KIF5B: variants seen among roughly 807,000 people sequenced by gnomAD.
The protein encoded by KIF5B is kinesin family member 5B.
A neutral mutation model predicts 132.8 loss-of-function variants in KIF5B; 49 were observed. The ratio of observed to expected loss-of-function variants is 0.37; its 90% CI spans 0.29 to 0.47. The LOEUF is 0.47. Among genes scored for constraint, KIF5B ranks in the 20% least tolerant of loss-of-function variants. The pLI is 1.00. For missense variants in KIF5B, 780 were observed against 1,144.0 expected (o/e 0.68, Z 4.59); for synonymous variants, 355 against 369.4 (o/e 0.96, Z 0.45).
At position 32,038,117 on chromosome 10, in the gene KIF5B, A is replaced by C. The variant is rs774285120; in HGVS notation, c.498+46T>G. The C allele has an allele frequency of 6.3e-6, 8 of 1,260,994 alleles. No individual in the cohort carries two copies. The South Asian group carries it at 6.6e-5, about 10-fold the overall frequency. 78.1% of individuals were successfully genotyped at this position (1,260,994 alleles called of 1,614,324 possible). A position where few individuals can be genotyped will look rare whatever the true frequency, so the allele number is the denominator to read the frequency against. Reference sequence around the variant, plus strand: ...AGAGTGAGACTCTGTCTTAAAAAAAAAAAAAAAGTATTACAGGGTTTTCTA... The same window carrying C: ...AGAGTGAGACTCTGTCTTAAAAAAACAAAAAAAGTATTACAGGGTTTTCTA... On this transcript the variant is annotated intron_variant, in intron 6 of 25. Transcript: ENST00000302418.
Position 32,036,370 on chromosome 10 carries a change from A to G in KIF5B, c.712-376T>C, listed in dbSNP as rs955227850. ...AGACTGAGTTTTAAACACATTATAT[A>G]AGCAAATCTGCTTCTTTTAAAAATA... On this transcript the variant is annotated intron_variant, in intron 8 of 25. Transcript: ENST00000302418. Among the ~76,000 whole-genome samples, 12 of 152,230 alleles carry G rather than the reference A, an allele frequency of 7.9e-5. 1 individual carries two copies. The highest frequency in any genetic ancestry group is 1.0e-4 in the Non-Finnish European group (7 of 68,044).
intron 1 of KIF5B, among the ~76,000 whole-genome samples, chr10:32,049,461 G>T (rs548042557): frequency 6.6e-6 from 1 of 152,296 alleles, no homozygotes; most frequent in South Asian, 2.1e-4. Context: ...GGTGAAAAAG[G>T]TTTCGTGTAG....
rs1441602535 is a variant in KIF5B at position 32,013,380 on chromosome 10, CA to C, written c.*21-1865del. On this transcript the variant is annotated intron_variant, in intron 25 of 25. Transcript: ENST00000302418. ...CAAAAATGTTTATGCTGAGTCTAAT[CA>C]ATGCTTTTGCATAGAAATAGAGGGA... is the stretch of plus-strand genomic sequence containing the variant. Among the ~76,000 whole-genome samples the C allele has an allele frequency of 5.0e-4, 76 of 152,156 alleles. 1 individual carries two copies. The highest frequency in any genetic ancestry group is 1.6e-4 in the Non-Finnish European group (11 of 68,024).
chr10:32,036,617 A>G lies in KIF5B; in HGVS notation c.712-623T>C, dbSNP rs148075111. Among the ~76,000 whole-genome samples, 35 of 152,312 alleles carry G rather than the reference A, an allele frequency of 2.3e-4. No homozygotes were observed. The East Asian group carries it at 6.2e-3, about 27-fold the overall frequency. On this transcript the variant is annotated intron_variant, in intron 8 of 25. Coordinates refer to ENST00000302418, the MANE Select transcript of KIF5B (RefSeq NM_004521.3). ...ATGTTAAAGATAGGTCAGAACAATA[A>G]ATTAGCAATGTTGGCTGAAGAAATA...
chr10:32,035,229 T>A (rs538593855), intron 10 of KIF5B, among the ~76,000 whole-genome samples: 2 of 152,372 alleles, frequency 1.3e-5, no homozygotes, highest in Middle Eastern at 3.4e-3. Flanking sequence ...CAGAGGATTA[T>A]GTTTGCCAGG....
chr10:32,037,649 A>T, intron 6 of KIF5B, 42 bp from the exon 7 acceptor site: 1 of 1,423,902 alleles, frequency 7.0e-7, no homozygotes, highest in Non-Finnish European at 9.9e-7. Context: ...TCTGGCCAAC[A>T]TGATGAAACC....
chr10:32,056,120 G>T lies in KIF5B; in HGVS notation c.-147C>A. The T allele has an allele frequency of 6.2e-6, 6 of 967,260 alleles. No homozygotes were observed. Among genetic ancestry groups the T allele is most frequent in the Non-Finnish European group, 7.4e-6 (5 of 678,460 alleles). 59.9% of individuals were successfully genotyped at this position (967,260 alleles called of 1,614,324 possible). On this transcript the variant is annotated 5_prime_UTR_variant, in exon 1 of 26. Coordinates refer to ENST00000302418, the MANE Select transcript of KIF5B (RefSeq NM_004521.3). Reference sequence around the variant, plus strand: ...GCGCTGCGCTTCCCCGGGTGGAGGCGGCCGGGGAGCCGGGACTTGAAGAGC... The same window carrying T: ...GCGCTGCGCTTCCCCGGGTGGAGGCTGCCGGGGAGCCGGGACTTGAAGAGC...
At chr10:32,049,112 AACC>A (rs1841653359) in intron 1 of KIF5B, among the ~76,000 whole-genome samples, 1 of 152,314 alleles carries the variant, frequency 6.6e-6, no homozygotes, top group East Asian at 1.9e-4. Context: ...TACAGGTGTG[AACC>A]ACCATGCCTG....
intron 15 of KIF5B, among the ~76,000 whole-genome samples, chr10:32,024,622 A>G (rs141270650): frequency 0.027 from 4,132 of 151,618 alleles, 86 homozygotes; most frequent in Non-Finnish European, 0.039. Context: ...AAAATTAGCC[A>G]GGTGTGGTAG....
At chr10:32,023,860 G>A (rs1039204077) in intron 15 of KIF5B, among the ~76,000 whole-genome samples, 2 of 151,642 alleles carry the variant, frequency 1.3e-5, no homozygotes, top group East Asian at 1.9e-4. Flanking sequence ...AACTCCAAAT[G>A]GATCATAGAT....
Position 32,056,125 on chromosome 10 carries a change from G to C in KIF5B, c.-152C>G, listed in dbSNP as rs1384340862. ...GCGCTTCCCCGGGTGGAGGCGGCCG[G>C]GGAGCCGGGACTTGAAGAGCCGGCG... On this transcript the variant is annotated 5_prime_UTR_variant, in exon 1 of 26. Coordinates refer to ENST00000302418, the MANE Select transcript of KIF5B (RefSeq NM_004521.3). 1 of 899,342 alleles carries C rather than the reference G, an allele frequency of 1.1e-6. No individual in the cohort carries two copies. The highest frequency in any genetic ancestry group is 1.8e-5 in the African/African-American group (1 of 56,878). The allele number at this position is 899,342 out of a possible 1,614,324, so 55.7% of individuals were successfully genotyped here. A position where few individuals can be genotyped will look rare whatever the true frequency, so the allele number is the denominator to read the frequency against.
rs762575766 is a variant in KIF5B, at chr10:32,031,283, T to C, written c.1375-4A>G. Reference sequence around the variant, plus strand: ...CCCTTCTGGTAGATGCCAAAAGCTATAGGACAGAAAATAATTTATTTTCCC... The same window carrying C: ...CCCTTCTGGTAGATGCCAAAAGCTACAGGACAGAAAATAATTTATTTTCCC... On this transcript the variant is annotated splice_polypyrimidine_tract_variant and splice_region_variant and intron_variant, in intron 13 of 25. Transcript: ENST00000302418. 6 of 1,610,984 alleles carry C rather than the reference T, an allele frequency of 3.7e-6. No individual in the cohort carries two copies. Among genetic ancestry groups the C allele is most frequent in the African/African-American group, 1.3e-5 (1 of 74,832 alleles).
At chr10:32,017,987 C>T in intron 23 of KIF5B, 65 bp downstream of exon 23, 2 of 804,660 alleles carry the variant, frequency 2.5e-6, no homozygotes, top group Non-Finnish European at 3.9e-6. Flanking sequence ...GAAATACTCA[C>T]TTGCCAATCC....
chr10:32,038,893 T>G (rs1273978512), intron 4 of KIF5B, 67 bp from the exon 5 acceptor site: 1 of 947,076 alleles, frequency 1.1e-6, no homozygotes, highest in Non-Finnish European at 1.7e-6. Context: ...TATTGAGGTC[T>G]GAGTGCTAGG....
chr10:32,048,749 T>C (rs1023211843), intron 1 of KIF5B, among the ~76,000 whole-genome samples, 198 bp from the exon 2 acceptor site: 4 of 152,188 alleles, frequency 2.6e-5, no homozygotes, highest in African/African-American at 9.6e-5. Flanking sequence ...AAAACAAGAA[T>C]GGTCTTTAGT....
intron 11 of KIF5B, among the ~76,000 whole-genome samples, 164 bp downstream of exon 11, chr10:32,034,521 CATTTT>C (rs1264746316): frequency 6.6e-6 from 1 of 152,128 alleles, no homozygotes; most frequent in African/African-American, 2.4e-5. Flanking sequence ...GCATTTTGCT[CATTTT>C]ATTTTTCAGC....
intron 10 of KIF5B, 125 bp from the exon 11 acceptor site, chr10:32,034,963 C>A (rs1841445888): frequency 1.6e-6 from 1 of 617,464 alleles, no homozygotes; most frequent in South Asian, 6.7e-5. Flanking sequence ...AGACTAAATA[C>A]TAAAAGCCGC....
In KIF5B at chr10:32,018,076, T is replaced by C. The variant is rs779383785; in HGVS notation, c.2520A>G (p.Glu840=). ...QKISFLENNL[E]QLTKVHKQLV... Reference sequence around the variant, plus strand: ...CCTGTTTGTGCACTTTAGTGAGCTGTTCAAGATTATTTTCAAGAAAGGAGA... The same window carrying C: ...CCTGTTTGTGCACTTTAGTGAGCTGCTCAAGATTATTTTCAAGAAAGGAGA... The change falls in exon 23 of 26, where the codon GAA becomes GAG. Residue 840 remains glutamate (E), a synonymous_variant. Coordinates refer to ENST00000302418, the MANE Select transcript of KIF5B (RefSeq NM_004521.3). 1 of 1,608,000 alleles carries C rather than the reference T, an allele frequency of 6.2e-7. No individual in the cohort carries two copies. The highest frequency in any genetic ancestry group is 1.1e-5 in the South Asian group (1 of 90,792).
intron 10 of KIF5B, 109 bp downstream of exon 10, chr10:32,035,413 T>TAGCACTCAGTTTGTG: frequency 1.1e-6 from 1 of 901,582 alleles, no homozygotes; most frequent in Non-Finnish European, 1.7e-6. Context: ...ACTGAGTGTG[T>TAGCACTCAGTTTGTG]CTAGCACAAA....
Sources: gnomAD v4.1 joint callset for allele counts (sites outside exome capture counted in the v4.1 genomes callset) on GRCh38, gnomAD v4.1.1 for gene constraint, MANE v1.5 for transcripts, NCBI Gene and HGNC (gene_info 2026-07-23, HGNC 2026-07-21) for gene names.